ECE2: variants seen among roughly 807,000 people sequenced by gnomAD.
ECE2 encodes the protein endothelin converting enzyme 2.
ECE2 carries 81 observed loss-of-function variants against 100.6 expected under a neutral mutation model. That is an observed-to-expected ratio of 0.81 (90% CI 0.67 to 0.97). ECE2 has a LOEUF of 0.97. ECE2 is among the 50% of genes least tolerant of loss of function. The pLI, the probability that ECE2 is intolerant of heterozygous loss-of-function variation, is 0.00. For missense variants in ECE2, 911 were observed against 988.1 expected, an observed-to-expected ratio of 0.92 and a Z score of 1.05; for synonymous variants, 391 against 391.5, an observed-to-expected ratio of 1.00 and a Z score of 0.02.
intron 8 of ECE2, 61 bp downstream of exon 8, chr3:184,284,034 G>A (rs1370015883): frequency 1.3e-6 from 2 of 1,583,362 alleles, no homozygotes; most frequent in South Asian, 1.1e-5. Flanking sequence ...GGACCACCCA[G>A]CTTCCCTCCA....
At chr3:184,278,650 A>T in intron 7 of ECE2, 93 bp downstream of exon 7, 2 of 1,370,286 alleles carry the variant, frequency 1.5e-6, no homozygotes, top group Non-Finnish European at 2.1e-6. Flanking sequence ...CAGAGCAGGG[A>T]AGGTGAGCCT....
Position 184,291,388 on chromosome 3 carries a change from G to A in ECE2, c.2070G>A (p.Leu690=). Reference sequence around the variant, plus strand: ...GAAAGCATGGGGAGGAGCAGCAACTGCCAGCCGTGGGGCTCACCAACCACC... The same window carrying A: ...GAAAGCATGGGGAGGAGCAGCAACTACCAGCCGTGGGGCTCACCAACCACC... ...WLRKHGEEQQ[L]PAVGLTNHQL... is the part of the protein sequence containing the mutation. Residue 690 remains leucine, a synonymous_variant, in exon 18 of 19, where the codon CTG becomes CTA. Transcript: ENST00000404464. This position sits in a 1 kb window ranked among gnomAD's most constrained non-coding sequence, Gnocchi z 4.1. The A allele has an allele frequency of 1.2e-6, 2 of 1,608,394 alleles. No homozygotes were observed. The highest frequency in any genetic ancestry group is 2.2e-5 in the South Asian group (2 of 90,044).
Position 184,290,316 on chromosome 3 carries a change from A to G in ECE2, c.1613A>G (p.Lys538Arg), listed in dbSNP as rs1482075807. 1.2e-6 allele frequency: 2 copies of G among 1,613,876 alleles called. No individual in the cohort carries two copies. The highest frequency in any genetic ancestry group is 1.3e-5 in the African/African-American group (1 of 74,852). The change falls in exon 14 of 19, where the codon AAG (lysine) becomes AGG (arginine). Residue 538 changes from lysine (K) to arginine (R), a missense_variant. Physicochemically the swap from Lys to Arg is conservative, Grantham distance 26. Transcript: ENST00000404464. ...NMLNLYNFSA[K>R]VMADQLRKPP... ...TTGAATTTGTACAACTTCTCTGCCA[A>G]GGTTATGGCTGACCAGCTCCGCAAG... is the stretch of plus-strand genomic sequence containing the variant.
intron 13 of ECE2, among the ~76,000 whole-genome samples, chr3:184,290,040 C>CTCATAGGG (rs1219656661): frequency 6.6e-6 from 1 of 152,076 alleles, no homozygotes; most frequent in Non-Finnish European, 1.5e-5. Flanking sequence ...TAGTGCCTTC[C>CTCATAGGG]TCATAGGGTT....
chr3:184,277,206 A>T, intron 3 of ECE2, 45 bp from the exon 4 acceptor site: 1 of 1,611,398 alleles, frequency 6.2e-7, no homozygotes, highest in Non-Finnish European at 8.5e-7. Flanking sequence ...TTCCAGACAG[A>T]CAGACTGACA....
Position 184,291,303 on chromosome 3 carries a change from G to T in ECE2, c.2026-41G>T. On this transcript the variant is annotated intron_variant, in intron 17 of 18. Coordinates refer to ENST00000404464, the MANE Select transcript of ECE2 (RefSeq NM_001100121.2). The surrounding 1 kb of genome is among the most constrained non-coding windows in gnomAD (Gnocchi z 4.1). ...GGTGAAAGGTGCCGGGTGGGTGGGG[G>T]CAGGCCTGGATGGGCTTGTTGCCCA... 1.3e-6 allele frequency: 2 copies of T among 1,588,258 alleles called. No individual in the cohort carries two copies. The highest frequency in any genetic ancestry group is 1.7e-6 in the Non-Finnish European group (2 of 1,165,160).
chr3:184,292,141 T>G lies in ECE2; in HGVS notation c.2201T>G (p.Val734Gly), dbSNP rs1678408103. The G allele has an allele frequency of 1.9e-6, 3 of 1,613,956 alleles. No individual in the cohort carries two copies. The highest frequency in any genetic ancestry group is 3.3e-5 in the Admixed American group (2 of 60,002). ...TDPHSPARFRVLGTLSNSRDF... is the reference protein window; with the variant it reads ...TDPHSPARFRGLGTLSNSRDF... ...CCCCACAGCCCTGCCCGCTTCCGCG[T>G]GCTGGGCACTCTCTCCAACTCCCGT... The change falls in exon 19 of 19, where the codon GTG becomes GGG. Residue 734 changes from valine (V) to glycine (G), a missense_variant. Val to Gly is a moderately radical substitution (Grantham distance 109). Coordinates refer to ENST00000404464, the MANE Select transcript of ECE2 (RefSeq NM_001100121.2).
chr3:184,292,007 A>G lies in ECE2; in HGVS notation c.2122-55A>G, dbSNP rs938889137. Reference sequence around the variant, plus strand: ...CCCTGGGATGGCTGTAGCTGACTCTAAGGCCCGGCTCCACACTAGACACCA... The same window carrying G: ...CCCTGGGATGGCTGTAGCTGACTCTGAGGCCCGGCTCCACACTAGACACCA... On this transcript the variant is annotated intron_variant, in intron 18 of 18. Coordinates refer to ENST00000404464, the MANE Select transcript of ECE2 (RefSeq NM_001100121.2). The G allele has an allele frequency of 4.5e-6, 7 of 1,552,536 alleles. No individual in the cohort carries two copies. The African/African-American group carries it at 9.5e-5, about 21-fold the overall frequency.
chr3:184,282,484 CTGTT>C (rs1329077474), intron 7 of ECE2, among the ~76,000 whole-genome samples: 1 of 152,210 alleles, frequency 6.6e-6, no homozygotes, highest in East Asian at 1.9e-4. Flanking sequence ...TGTTGAGTGT[CTGTT>C]TGCAGGTTTT....
chr3:184,286,796 T>TAAAA (rs11449762), intron 10 of ECE2, among the ~76,000 whole-genome samples: 1 of 121,928 alleles, frequency 8.2e-6, no homozygotes, highest in Non-Finnish European at 1.7e-5. Flanking sequence ...AAACTCTGTT[T>TAAAA]AAAAAAAAAA....
chr3:184,288,170 C>T (rs573873977), intron 11 of ECE2, among the ~76,000 whole-genome samples: 27 of 151,664 alleles, frequency 1.8e-4, no homozygotes, highest in African/African-American at 6.3e-4. Context: ...ATTAGCCGGG[C>T]GTGGTGGCGG....
intron 7 of ECE2, among the ~76,000 whole-genome samples, chr3:184,279,309 C>CAAAAA (rs60647349): frequency 3.3e-4 from 26 of 78,560 alleles, no homozygotes; most frequent in Non-Finnish European, 3.9e-4. Flanking sequence ...GACTCCGACT[C>CAAAAA]AAAAAAAAAA....
intron 8 of ECE2, 140 bp downstream of exon 8, chr3:184,284,113 C>G (rs1720928768): frequency 2.8e-6 from 3 of 1,073,514 alleles, no homozygotes; most frequent in Non-Finnish European, 4.0e-6. Flanking sequence ...AGCTGCACTG[C>G]TGCTGTCCTG....
Position 184,292,383 on chromosome 3 carries a change from C to T in ECE2, c.*145C>T. The T allele has an allele frequency of 6.7e-6, 6 of 896,162 alleles. No individual in the cohort carries two copies. The highest frequency in any genetic ancestry group is 3.0e-4 in the Middle Eastern group (1 of 3,302). 55.5% of individuals were successfully genotyped at this position (896,162 alleles called of 1,614,324 possible). A position where few individuals can be genotyped will look rare whatever the true frequency, so the allele number is the denominator to read the frequency against. ...CCCCCACAGGTGACATGAGTACAGACCCTCCTCAATCACCACATTGTGCCT... is the reference window on the plus strand; with the variant it reads ...CCCCCACAGGTGACATGAGTACAGATCCTCCTCAATCACCACATTGTGCCT... On this transcript the variant is annotated 3_prime_UTR_variant, in exon 19 of 19. Coordinates refer to ENST00000404464, the MANE Select transcript of ECE2 (RefSeq NM_001100121.2).
At chr3:184,288,825 A>G (rs1721181211) in intron 11 of ECE2, among the ~76,000 whole-genome samples, 1 of 152,162 alleles carries the variant, frequency 6.6e-6, no homozygotes, top group Non-Finnish European at 1.5e-5. Context: ...AATTTTCCAA[A>G]TTTTCTGTGA....
Position 184,285,503 on chromosome 3 carries a change from A to T in ECE2, c.1174A>T (p.Asn392Tyr), listed in dbSNP as rs1209391626. ...CATCCTGAACAATTACCTGATCTGG[A>T]ACCTGGTGCAAAAGACAACCTCAAG... ...PSILNNYLIWNLVQKTTSSLD... is the reference protein window; with the variant it reads ...PSILNNYLIWYLVQKTTSSLD... The change falls in exon 10 of 19, where the codon AAC becomes TAC. Residue 392 changes from asparagine to tyrosine, a missense_variant. By Grantham distance (143) the Asn-to-Tyr change is moderately radical (BLOSUM62 -2). Transcript: ENST00000404464. The T allele has an allele frequency of 3.1e-6, 5 of 1,613,932 alleles. No homozygotes were observed. The highest frequency in any genetic ancestry group is 4.2e-6 in the Non-Finnish European group (5 of 1,180,020).
In ECE2 at chr3:184,277,081, T is replaced by G. The variant is rs1577132994; in HGVS notation, c.262+54T>G. 1.9e-6 allele frequency: 3 copies of G among 1,608,404 alleles called. No homozygotes were observed. In the East Asian group the frequency reaches 6.7e-5, roughly 36 times the overall value. On this transcript the variant is annotated intron_variant, in intron 3 of 18. Coordinates refer to ENST00000404464, the MANE Select transcript of ECE2 (RefSeq NM_001100121.2). ...TTCATAACTAGGGGTTCTGGAGGCC[T>G]AAGGGCCTCTAAGATTTTCACTTGT...
In ECE2 at chr3:184,277,391, C is replaced by T. The variant is rs1282836543; in HGVS notation, c.403C>T (p.Pro135Ser). 1.2e-6 allele frequency: 2 copies of T among 1,614,126 alleles called. No homozygotes were observed. The highest frequency in any genetic ancestry group is 1.7e-6 in the Non-Finnish European group (2 of 1,180,050). The change falls in exon 4 of 19, where the codon CCC becomes TCC. Residue 135 changes from proline to serine, a missense_variant. Physicochemically the swap from Pro to Ser is moderately conservative, Grantham distance 74 (BLOSUM62 -1). Coordinates refer to ENST00000404464, the MANE Select transcript of ECE2 (RefSeq NM_001100121.2). ...GGGCTGGATTCGGAGGAACCCCCTG[C>T]CCGATGGGCGTTCTCGCTGGAACAC... ...CGGWIRRNPL[P>S]DGRSRWNTFN...
At chr3:184,284,457 G>A (rs569468993) in intron 8 of ECE2, among the ~76,000 whole-genome samples, 6 of 151,302 alleles carry the variant, frequency 4.0e-5, no homozygotes, top group African/African-American at 1.5e-4. Context: ...TAGAAGAATC[G>A]CTTGAACCTG....
Sources: allele counts gnomAD v4.1 joint callset (sites outside exome capture counted in the v4.1 genomes callset), GRCh38; gene constraint gnomAD v4.1.1; non-coding constraint Gnocchi (gnomAD v3.1); transcripts MANE v1.5; gene names NCBI Gene and HGNC (gene_info 2026-07-23, HGNC 2026-07-21).